The following SCRN3 variants were observed in gnomAD, a reference collection of about 807,000 sequenced individuals.
The protein encoded by SCRN3 is secernin-3.
In SCRN3, 39 loss-of-function variants were observed where a neutral mutation model predicts 43.1. The ratio of observed to expected loss-of-function variants is 0.91; its 90% CI spans 0.70 to 1.18. SCRN3 has a LOEUF of 1.18. SCRN3 is among the 50% of genes most tolerant of loss of function. SCRN3 has a pLI of 0.00. For synonymous variants in SCRN3, 147 were observed against 163.1 expected, an observed-to-expected ratio of 0.90 and a Z score of 0.75; for missense variants, 484 against 498.0, an observed-to-expected ratio of 0.97 and a Z score of 0.27.
chr2:174,404,023 A>G, intron 4 of SCRN3, 80 bp from the exon 5 acceptor site: 2 of 1,062,714 alleles, frequency 1.9e-6, no homozygotes, highest in Non-Finnish European at 2.8e-6. Flanking sequence ...CATAGTGATT[A>G]GGAATCATGA....
At chr2:174,419,559 G>T (rs1172223562) in intron 5 of SCRN3, among the ~76,000 whole-genome samples, 5 of 151,044 alleles carry the variant, frequency 3.3e-5, no homozygotes, top group Non-Finnish European at 7.4e-5. Flanking sequence ...TTTTTTTTTT[G>T]GTAATAGACG....
intron 5 of SCRN3, among the ~76,000 whole-genome samples, chr2:174,413,612 A>T: frequency 1.9e-5 from 2 of 105,960 alleles, no homozygotes; most frequent in Non-Finnish European, 1.8e-5. Flanking sequence ...TTTTTTTGAG[A>T]CAGAGTTTTG....
intron 6 of SCRN3, among the ~76,000 whole-genome samples, chr2:174,423,523 G>T (rs919780751): frequency 2.0e-5 from 3 of 152,130 alleles, no homozygotes. Flanking sequence ...AGGTTGGAGT[G>T]CAATGGCATG....
In SCRN3 at chr2:174,400,128, T is replaced by C. The variant is rs200240653; in HGVS notation, c.341+25T>C. ...GGTTATTTTTTGTTACATTTTATAC[T>C]ACAGACCTTGTCTAAATTTATAATT... On this transcript the variant is annotated intron_variant, in intron 3 of 7. Transcript: ENST00000272732. The C allele has an allele frequency of 6.3e-6, 9 of 1,439,752 alleles. No homozygotes were observed. The Admixed American group carries it at 1.9e-4, about 31-fold the overall frequency. 89.2% of individuals were successfully genotyped at this position (1,439,752 alleles called of 1,614,324 possible). A position where few individuals can be genotyped will look rare whatever the true frequency, so the allele number is the denominator to read the frequency against.
In SCRN3 at chr2:174,424,708, T is replaced by A; in HGVS notation, c.1092+59T>A. 2.8e-6 allele frequency: 4 copies of A among 1,403,874 alleles called. 1 individual carries two copies. Among genetic ancestry groups the A allele is most frequent in the South Asian group, 2.7e-5 (2 of 73,838 alleles). 87.0% of individuals were successfully genotyped at this position (1,403,874 alleles called of 1,614,324 possible). On this transcript the variant is annotated intron_variant, in intron 7 of 7. Transcript: ENST00000272732. ...AGTGTAAAGTTAGATTCAATCCGTATTTTGAACTTTGGAGTATCAGCTTTC... is the reference window on the plus strand; with the variant it reads ...AGTGTAAAGTTAGATTCAATCCGTAATTTGAACTTTGGAGTATCAGCTTTC...
chr2:174,427,873 T>C lies in SCRN3; in HGVS notation c.1253T>C (p.Leu418Ser), dbSNP rs753999693. The C allele has an allele frequency of 3.2e-6, 5 of 1,584,002 alleles. No individual in the cohort carries two copies. In the South Asian group the frequency reaches 5.6e-5, roughly 18 times the overall value. ...KDEIQIYQSNLSVKVSS is the reference protein window; with the variant it reads ...KDEIQIYQSNSSVKVSS Reference sequence around the variant, plus strand: ...GAAATTCAAATTTATCAGTCAAATTTATCAGTCAAAGTTAGTTCTTAGTGA... The same window carrying C: ...GAAATTCAAATTTATCAGTCAAATTCATCAGTCAAAGTTAGTTCTTAGTGA... The change falls in exon 8 of 8, where the codon TTA (leucine) becomes TCA (serine). Residue 418 changes from leucine to serine, a missense_variant. Physicochemically the swap from Leu to Ser is moderately radical, Grantham distance 145. Coordinates refer to ENST00000272732, the MANE Select transcript of SCRN3 (RefSeq NM_024583.5).
chr2:174,427,809 G>A lies in SCRN3; in HGVS notation c.1189G>A (p.Glu397Lys). ...CCTTCAAAACAAGCATCTTGATGTG[G>A]AGAAAATTGTTAATCTCTTTCCTCA... ...SILQNKHLDV[E>K]KIVNLFPQCT... is the part of the protein sequence containing the mutation. The change falls in exon 8 of 8, where the codon GAG (glutamate) becomes AAG (lysine). Residue 397 changes from glutamate to lysine, a missense_variant. By Grantham distance (56) the Glu-to-Lys change is moderately conservative (BLOSUM62 1). Transcript: ENST00000272732. The A allele has an allele frequency of 6.2e-7, 1 of 1,611,014 alleles. No individual in the cohort carries two copies.
chr2:174,413,492 T>G (rs1685997275), intron 5 of SCRN3, among the ~76,000 whole-genome samples: 1 of 152,140 alleles, frequency 6.6e-6, no homozygotes, highest in African/African-American at 2.4e-5. Context: ...AGATGGAGAT[T>G]TGGGCAGTTC....
intron 5 of SCRN3, among the ~76,000 whole-genome samples, chr2:174,417,698 A>AT (rs1220347759): frequency 6.6e-6 from 1 of 152,178 alleles, no homozygotes; most frequent in African/African-American, 2.4e-5. Context: ...TGGCCTAATT[A>AT]TATTATTCTC....
rs373475496 is a variant in SCRN3, at chr2:174,424,505, A to C, written c.948A>C (p.Pro316=). 6 of 1,610,460 alleles carry C rather than the reference A, an allele frequency of 3.7e-6. No individual in the cohort carries two copies. The African/African-American group carries it at 8.0e-5, about 22-fold the overall frequency. Residue 316 remains proline, a synonymous_variant, in exon 7 of 8, where the codon CCA becomes CCC. Transcript: ENST00000272732. ...RSVFKPFIFV[P]HISQLLDTSS... ...TTTTTAAGCCTTTCATATTTGTGCC[A>C]CATATTTCACAACTATTGGATACCA...
downstream of SCRN3, chr2:174,429,675 A>G (rs944110355): frequency 6.6e-6 from 1 of 152,196 alleles, no homozygotes; most frequent in Non-Finnish European, 1.5e-5. Flanking sequence ...TTGATGTAGT[A>G]CATCCTATGG....
chr2:174,417,015 A>G (rs1396160876), intron 5 of SCRN3, among the ~76,000 whole-genome samples: 2 of 152,196 alleles, frequency 1.3e-5, no homozygotes, highest in Admixed American at 6.5e-5. Context: ...AGTTTTCTGT[A>G]AAGTTTCTTA....
chr2:174,405,754 G>T (rs1441609453), intron 5 of SCRN3, among the ~76,000 whole-genome samples: 13 of 151,088 alleles, frequency 8.6e-5, no homozygotes, highest in African/African-American at 3.1e-4. Context: ...GTTTGTCAAA[G>T]ATCAGATAGT....
intron 5 of SCRN3, among the ~76,000 whole-genome samples, chr2:174,415,701 GT>G (rs1459672798): frequency 6.6e-6 from 1 of 152,164 alleles, no homozygotes; most frequent in Non-Finnish European, 1.5e-5. Flanking sequence ...CTGGAGTGCA[GT>G]GGCGTAATCT....
chr2:174,395,933 G>A (rs932484542), intron 1 of SCRN3, 116 bp downstream of exon 1: 1 of 1,413,418 alleles, frequency 7.1e-7, no homozygotes. Flanking sequence ...CACCGGCTGC[G>A]GTTTGAGCGC....
chr2:174,414,441 G>T (rs922381325), intron 5 of SCRN3, among the ~76,000 whole-genome samples: 3 of 152,022 alleles, frequency 2.0e-5, no homozygotes, highest in Non-Finnish European at 4.4e-5. Flanking sequence ...AGAAATGATA[G>T]CATGCTATTT....
intron 5 of SCRN3, among the ~76,000 whole-genome samples, chr2:174,414,917 C>T (rs1686052214): frequency 6.6e-6 from 1 of 152,078 alleles, no homozygotes; most frequent in Admixed American, 6.6e-5. Flanking sequence ...GTGCCTGCCA[C>T]CACGCCTGGC....
chr2:174,400,133 A>T (rs749416429), intron 3 of SCRN3, 30 bp downstream of exon 3: 2 of 1,420,912 alleles, frequency 1.4e-6, no homozygotes, highest in Non-Finnish European at 1.9e-6. Context: ...TATACTACAG[A>T]CCTTGTCTAA....
Position 174,411,547 on chromosome 2 carries a change from C to T in SCRN3, c.754+7232C>T, listed in dbSNP as rs550322087. 1.9e-3 allele frequency among the ~76,000 whole-genome samples: 291 copies of T among 152,192 alleles called. 1 individual carries two copies. The highest frequency in any genetic ancestry group is 6.7e-3 in the African/African-American group (278 of 41,518). On this transcript the variant is annotated intron_variant, in intron 5 of 7. Coordinates refer to ENST00000272732, the MANE Select transcript of SCRN3 (RefSeq NM_024583.5). ...TTAATCTCTACAAGTTCCATTGGTT[C>T]GTTCTGTATAACTCCCATTTCTCTA...
Sources: allele counts gnomAD v4.1 joint callset (sites outside exome capture counted in the v4.1 genomes callset), GRCh38; gene constraint gnomAD v4.1.1; transcripts MANE v1.5; gene names NCBI Gene and HGNC (gene_info 2026-07-23, HGNC 2026-07-21).